Variants in DPP6 observed in about 807,000 individuals in gnomAD.
DPP6 encodes A-type potassium channel modulatory protein DPP6.
A neutral mutation model predicts 122.6 loss-of-function variants in DPP6; 69 were observed. The observed-to-expected ratio is 0.56, with a 90% CI of 0.46 to 0.69. The LOEUF is 0.69. Among genes scored for constraint, DPP6 ranks in the 30% least tolerant of loss-of-function variants. The pLI, the probability that DPP6 is intolerant of heterozygous loss-of-function variation, is 0.00. For missense variants in DPP6, 928 were observed against 1,116.9 expected, an observed-to-expected ratio of 0.83 and a Z score of 2.41; for synonymous variants, 418 against 433.1, an observed-to-expected ratio of 0.97 and a Z score of 0.43.
intron 1 of DPP6, among the ~76,000 whole-genome samples, chr7:154,407,340 A>G (rs995791443): frequency 1.3e-5 from 2 of 152,210 alleles, no homozygotes; most frequent in African/African-American, 4.8e-5. Context: ...CATTTTATGC[A>G]TGTAATATCT....
intron 1 of DPP6, among the ~76,000 whole-genome samples, chr7:154,122,415 C>T (rs2150608971): frequency 6.6e-6 from 1 of 152,296 alleles, no homozygotes; most frequent in East Asian, 1.9e-4. Context: ...GTGATATGAT[C>T]TTGAAATGAC....
At chr7:153,904,502 A>C (rs1387299005) in intron 1 of DPP6, among the ~76,000 whole-genome samples, 8 of 152,184 alleles carry the variant, frequency 5.3e-5, no homozygotes, top group Non-Finnish European at 1.5e-5. Flanking sequence ...AAAAGGCTTG[A>C]GGGGGAGGGC....
intron 5 of DPP6, among the ~76,000 whole-genome samples, chr7:154,636,016 T>G (rs965072040): frequency 3.9e-5 from 6 of 152,178 alleles, no homozygotes; most frequent in African/African-American, 1.4e-4. Context: ...GTTCCATCTC[T>G]TCTCTTCTCT....
chr7:154,392,949 G>A (rs1814749555), intron 1 of DPP6, among the ~76,000 whole-genome samples: 1 of 152,190 alleles, frequency 6.6e-6, no homozygotes, highest in Non-Finnish European at 1.5e-5. Flanking sequence ...ACTTAAAAGA[G>A]AATTCAGGAG....
At chr7:154,847,177 C>G (rs1035964631) in intron 16 of DPP6, among the ~76,000 whole-genome samples, 1 of 152,218 alleles carries the variant, frequency 6.6e-6, no homozygotes, top group African/African-American at 2.4e-5. Flanking sequence ...TCCAGAGTGG[C>G]TGTGCCCACT....
In DPP6 at chr7:154,892,635, G is replaced by C; in HGVS notation, c.*155G>C. ...TCGGATGCGGAAGGCAGTTTTGCTT[G>C]GGAAACAAGCTCCTTCCCCGGGGTC... On this transcript the variant is annotated 3_prime_UTR_variant, in exon 26 of 26. Coordinates refer to ENST00000377770, the MANE Select transcript of DPP6 (RefSeq NM_130797.4). 1 of 1,452,202 alleles carries C rather than the reference G, an allele frequency of 6.9e-7. No individual in the cohort carries two copies. The highest frequency in any genetic ancestry group is 9.3e-7 in the Non-Finnish European group (1 of 1,070,626). 90.0% of individuals were successfully genotyped at this position (1,452,202 alleles called of 1,614,324 possible). A position where few individuals can be genotyped will look rare whatever the true frequency, so the allele number is the denominator to read the frequency against.
rs1483433763 is a variant in DPP6 at position 154,618,263 on chromosome 7, T to C, written c.628-19558T>C. ...TGCCCCTAATGGGTTTCCAGGGTCG[T>C]GTCCTTTCCCAACCCCTGAGGAAGC... On this transcript the variant is annotated intron_variant, in intron 5 of 25. Coordinates refer to ENST00000377770, the MANE Select transcript of DPP6 (RefSeq NM_130797.4). The surrounding 1 kb of genome is among the most constrained non-coding windows in gnomAD (Gnocchi z 4.1). Among the ~76,000 whole-genome samples, 2 of 152,136 alleles carry C rather than the reference T, an allele frequency of 1.3e-5. No individual in the cohort carries two copies. The highest frequency in any genetic ancestry group is 2.9e-5 in the Non-Finnish European group (2 of 68,008).
intron 8 of DPP6, among the ~76,000 whole-genome samples, chr7:154,730,995 G>A (rs945206006): frequency 1.3e-5 from 2 of 152,230 alleles, no homozygotes; most frequent in African/African-American, 2.4e-5. Context: ...ATCAATCACA[G>A]TTGATGTGGC....
At chr7:153,966,375 C>A (rs39173) in intron 1 of DPP6, among the ~76,000 whole-genome samples, 9 of 146,404 alleles carry the variant, frequency 6.1e-5, no homozygotes, top group African/African-American at 2.0e-4. Context: ...CGCATCCTCA[C>A]CCTTGCAGGG....
At chr7:154,475,091 C>T in intron 3 of DPP6, 54 bp downstream of exon 3, 1 of 1,346,142 alleles carries the variant, frequency 7.4e-7, no homozygotes. Flanking sequence ...CTCACCCCCA[C>T]TTTCAATAGG....
In DPP6 at chr7:154,118,283, T is replaced by C. The variant is rs189542861; in HGVS notation, c.243+65220T>C. ...ATTTCTGGGACATACATATGAAATA[T>C]CTTCAGCTTCATATCTGAGATGGCA... On this transcript the variant is annotated intron_variant, in intron 1 of 25. Transcript: ENST00000377770. Among the ~76,000 whole-genome samples, 41 of 150,206 alleles carry C rather than the reference T, an allele frequency of 2.7e-4. 1 individual carries two copies. The highest frequency in any genetic ancestry group is 9.4e-4 in the African/African-American group (38 of 40,306).
At chr7:154,637,770 G>T (rs896903107) in intron 5 of DPP6, 51 bp from the exon 6 acceptor site, 4 of 1,520,654 alleles carry the variant, frequency 2.6e-6, no homozygotes. Context: ...AAATATCATC[G>T]TAACAGCCTT....
intron 1 of DPP6, among the ~76,000 whole-genome samples, chr7:153,932,797 C>T (rs997293648): frequency 1.3e-5 from 2 of 152,182 alleles, no homozygotes; most frequent in African/African-American, 4.8e-5. Context: ...GTTTCCACCT[C>T]CTGATGATCT....
At chr7:153,898,342 C>T (rs550293924) in intron 1 of DPP6, among the ~76,000 whole-genome samples, 345 of 152,184 alleles carry the variant, frequency 2.3e-3, no homozygotes, top group Non-Finnish European at 3.8e-3. Context: ...GTCCCAGCTA[C>T]TTGGGAGGCT....
chr7:154,296,724 CA>C (rs749933834), intron 1 of DPP6, among the ~76,000 whole-genome samples: 2 of 152,246 alleles, frequency 1.3e-5, no homozygotes, highest in Non-Finnish European at 2.9e-5. Context: ...CCTGTTTATT[CA>C]AACACATACA....
chr7:154,595,494 T>C (rs951503189), intron 5 of DPP6, among the ~76,000 whole-genome samples: 1 of 152,228 alleles, frequency 6.6e-6, no homozygotes, highest in African/African-American at 2.4e-5. Context: ...GGGTAAGATT[T>C]GCATCAATGT....
rs1048792668 is a variant in DPP6 at position 154,124,496 on chromosome 7, A to T, written c.243+71433A>T. 1.1e-3 allele frequency among the ~76,000 whole-genome samples: 160 copies of T among 152,320 alleles called. 1 individual carries two copies. Among genetic ancestry groups the T allele is most frequent in the African/African-American group, 3.7e-3 (155 of 41,586 alleles). ...GCACCGGCACTGTGGGAGCAGGCAGATGGGAACGTGGACAGGGAGTTAGTG... is the reference window on the plus strand; with the variant it reads ...GCACCGGCACTGTGGGAGCAGGCAGTTGGGAACGTGGACAGGGAGTTAGTG... On this transcript the variant is annotated intron_variant, in intron 1 of 25. Transcript: ENST00000377770.
At position 154,763,005 on chromosome 7, in the gene DPP6, G is replaced by A. The variant is rs950006268; in HGVS notation, c.884-6412G>A. Among the ~76,000 whole-genome samples the A allele has an allele frequency of 1.2e-4, 19 of 152,232 alleles. 1 individual carries two copies. Among genetic ancestry groups the A allele is most frequent in the African/African-American group, 4.6e-4 (19 of 41,464 alleles). The stretch of plus-strand genomic sequence containing the variant: ...ATCTTAGTCGTGCTAGTTCCACATC[G>A]TGGCTGCCTTTGACTTCTGGCCATT... On this transcript the variant is annotated intron_variant, in intron 8 of 25. Transcript: ENST00000377770.
chr7:154,413,196 A>T (rs557395529), intron 1 of DPP6, among the ~76,000 whole-genome samples: 1 of 152,222 alleles, frequency 6.6e-6, no homozygotes, highest in African/African-American at 2.4e-5. Flanking sequence ...TCCTTGGGCT[A>T]TCTTAAATTC....
Sources: gnomAD v4.1 joint callset for allele counts (sites outside exome capture counted in the v4.1 genomes callset) on GRCh38, gnomAD v4.1.1 for gene constraint, Gnocchi (gnomAD v3.1) non-coding constraint, MANE v1.5 for transcripts, NCBI Gene and HGNC (gene_info 2026-07-23, HGNC 2026-07-21) for gene names.